The following ATRNL1 variants were observed in gnomAD, a reference collection of about 807,000 sequenced individuals.
The protein encoded by ATRNL1 is attractin-like protein 1.
In ATRNL1, 95 loss-of-function variants were observed where a neutral mutation model predicts 182.7. The ratio of observed to expected loss-of-function variants is 0.52; its 90% CI spans 0.44 to 0.62. The LOEUF (loss-of-function observed/expected upper bound fraction) is 0.62, where lower values mean the gene tolerates loss of function less well. ATRNL1 is among the 20% of genes least tolerant of loss of function. ATRNL1 has a pLI of 0.00. For missense variants in ATRNL1, 1,471 were observed against 1,679.5 expected, an observed-to-expected ratio of 0.88 and a Z score of 2.17; for synonymous variants, 576 against 568.3, an observed-to-expected ratio of 1.01 and a Z score of -0.19.
At chr10:115,135,199 G>T (rs1250394667) in intron 5 of ATRNL1, among the ~76,000 whole-genome samples, 1 of 152,096 alleles carries the variant, frequency 6.6e-6, no homozygotes, top group East Asian at 1.9e-4. Context: ...AATCAGGCAG[G>T]AGAAAGAAAT....
intron 8 of ATRNL1, among the ~76,000 whole-genome samples, chr10:115,181,702 A>G (rs1847752319): frequency 6.6e-6 from 1 of 151,728 alleles, no homozygotes; most frequent in Admixed American, 6.6e-5. Context: ...TTTTAGAAAG[A>G]TGATGCCACA....
At chr10:115,856,786 C>T (rs1175845513) in intron 28 of ATRNL1, among the ~76,000 whole-genome samples, 1 of 152,148 alleles carries the variant, frequency 6.6e-6, no homozygotes, top group Non-Finnish European at 1.5e-5. Context: ...TGTTCACTCA[C>T]ACCCACCCAT....
chr10:115,345,690 C>G (rs1483621776), intron 19 of ATRNL1, among the ~76,000 whole-genome samples: 3 of 152,178 alleles, frequency 2.0e-5, no homozygotes, highest in Admixed American at 1.3e-4. Flanking sequence ...CTCTGTGTCT[C>G]TATCACCTTT....
chr10:115,386,803 A>C, intron 19 of ATRNL1, among the ~76,000 whole-genome samples: 3 of 126,800 alleles, frequency 2.4e-5, no homozygotes, highest in Admixed American at 1.6e-4. Flanking sequence ...TCCTAATGCT[A>C]TCCCTCCCCC....
chr10:115,855,953 T>G (rs971235318), intron 28 of ATRNL1, among the ~76,000 whole-genome samples: 2 of 152,348 alleles, frequency 1.3e-5, no homozygotes, highest in South Asian at 4.1e-4. Flanking sequence ...GATAGTAATT[T>G]TTTTAACTAT....
intron 26 of ATRNL1, among the ~76,000 whole-genome samples, chr10:115,602,546 C>T (rs1017300051): frequency 6.6e-6 from 1 of 152,086 alleles, no homozygotes; most frequent in Admixed American, 6.5e-5. Flanking sequence ...GAGGCTCCGT[C>T]CTACAGGCCT....
intron 26 of ATRNL1, among the ~76,000 whole-genome samples, chr10:115,571,162 G>A (rs1555003350): frequency 6.6e-6 from 1 of 152,048 alleles, no homozygotes; most frequent in African/African-American, 2.4e-5. Flanking sequence ...GTTTTAATAG[G>A]AGGCAGCTTC....
At chr10:115,329,754 T>C (rs998113991) in intron 18 of ATRNL1, among the ~76,000 whole-genome samples, 47 of 152,288 alleles carry the variant, frequency 3.1e-4, no homozygotes, top group African/African-American at 1.1e-3. Flanking sequence ...TTACTTTAAG[T>C]CTATGCACAT....
intron 24 of ATRNL1, among the ~76,000 whole-genome samples, chr10:115,493,025 C>T (rs1849383061): frequency 6.6e-6 from 1 of 152,038 alleles, no homozygotes; most frequent in South Asian, 2.1e-4. Context: ...TCACTTTGTA[C>T]TCCATAAATA....
chr10:115,376,944 A>T (rs1399606697), intron 19 of ATRNL1, among the ~76,000 whole-genome samples: 1 of 152,054 alleles, frequency 6.6e-6, no homozygotes, highest in African/African-American at 2.4e-5. Context: ...ATTTCAAATG[A>T]TCTATCTCTG....
At chr10:115,772,862 T>C (rs1479536085) in intron 27 of ATRNL1, among the ~76,000 whole-genome samples, 1 of 152,136 alleles carries the variant, frequency 6.6e-6, no homozygotes, top group Non-Finnish European at 1.5e-5. Context: ...TCAGCTGTAC[T>C]GAGATTCATA....
At chr10:115,666,694 A>T (rs1374274668) in intron 26 of ATRNL1, among the ~76,000 whole-genome samples, 2 of 152,156 alleles carry the variant, frequency 1.3e-5, no homozygotes, top group Non-Finnish European at 2.9e-5. Context: ...CTAGTTCCCC[A>T]GTCATACCAG....
chr10:115,194,029 T>C (rs782395635), intron 8 of ATRNL1, among the ~76,000 whole-genome samples: 1 of 152,018 alleles, frequency 6.6e-6, no homozygotes, highest in Non-Finnish European at 1.5e-5. Flanking sequence ...TGATTTCTAG[T>C]TTTATTCTGT....
intron 27 of ATRNL1, among the ~76,000 whole-genome samples, chr10:115,760,829 C>T (rs1948716761): frequency 6.6e-6 from 1 of 152,144 alleles, no homozygotes. Context: ...TAAAAGTAAT[C>T]AGACAAGGTA....
At position 115,699,625 on chromosome 10, in the gene ATRNL1, AC is replaced by A. The variant is rs550438077; in HGVS notation, c.3796-27621del. The stretch of plus-strand genomic sequence containing the variant: ...AAGTGAAAAAAGCAAGATATAAAGG[AC>A]CATTCACAGTCAGAGAACATTTATT... On this transcript the variant is annotated intron_variant, in intron 26 of 28. Coordinates refer to ENST00000355044, the MANE Select transcript of ATRNL1 (RefSeq NM_207303.4). Among the ~76,000 whole-genome samples the A allele has an allele frequency of 2.5e-4, 38 of 152,224 alleles. No homozygotes were observed. In the East Asian group the frequency reaches 7.1e-3, roughly 29 times the overall value.
rs59945748 is a variant in ATRNL1 at position 115,173,164 on chromosome 10, A to C, written c.1348+1872A>C. 1.5e-4 allele frequency among the ~76,000 whole-genome samples: 23 copies of C among 152,112 alleles called. No individual in the cohort carries two copies. The East Asian group carries it at 4.3e-3, about 28-fold the overall frequency. ...ACATTGAATAAGCTTGCTTACATACATTATTGTCATAACAAACTCATGACA... is the reference window on the plus strand; with the variant it reads ...ACATTGAATAAGCTTGCTTACATACCTTATTGTCATAACAAACTCATGACA... On this transcript the variant is annotated intron_variant, in intron 8 of 28. Coordinates refer to ENST00000355044, the MANE Select transcript of ATRNL1 (RefSeq NM_207303.4).
intron 28 of ATRNL1, among the ~76,000 whole-genome samples, chr10:115,899,689 G>T (rs1952303399): frequency 6.6e-6 from 1 of 152,162 alleles, no homozygotes; most frequent in Non-Finnish European, 1.5e-5. Context: ...AAGCCTGTTA[G>T]ATATGCAGAA....
chr10:115,902,655 T>G (rs1356878765), intron 28 of ATRNL1, among the ~76,000 whole-genome samples: 2 of 152,210 alleles, frequency 1.3e-5, no homozygotes, highest in Non-Finnish European at 2.9e-5. Flanking sequence ...TTCACAAATG[T>G]GTTTTCCCCC....
chr10:115,829,944 C>T (rs1555093101), intron 27 of ATRNL1, among the ~76,000 whole-genome samples: 1 of 152,158 alleles, frequency 6.6e-6, no homozygotes, highest in Non-Finnish European at 1.5e-5. Flanking sequence ...TTGGTGTGTG[C>T]AGTGCAAAAC....
Sources: gnomAD v4.1 joint callset for allele counts (sites outside exome capture counted in the v4.1 genomes callset) on GRCh38, gnomAD v4.1.1 for gene constraint, MANE v1.5 for transcripts, NCBI Gene and HGNC (gene_info 2026-07-23, HGNC 2026-07-21) for gene names.